PARD3B: variants seen among roughly 807,000 people sequenced by gnomAD.
The protein encoded by PARD3B is partitioning defective 3 homolog B.
A neutral mutation model predicts 130.2 loss-of-function variants in PARD3B; 103 were observed. That is an observed-to-expected ratio of 0.79 (90% confidence interval 0.67 to 0.93). The LOEUF (loss-of-function observed/expected upper bound fraction) is 0.93, where lower values mean the gene tolerates loss of function less well. PARD3B is among the 40% of genes least tolerant of loss of function. The pLI, the probability that PARD3B is intolerant of heterozygous loss-of-function variation, is 0.00. For synonymous variants in PARD3B, 583 were observed against 553.2 expected (o/e 1.05, Z -0.76); for missense variants, 1,609 against 1,499.2 (o/e 1.07, Z -1.21).
At chr2:204,849,706 C>G (rs187821990) in intron 2 of PARD3B, among the ~76,000 whole-genome samples, 1 of 152,212 alleles carries the variant, frequency 6.6e-6, no homozygotes, top group East Asian at 1.9e-4. Context: ...TGTTTTTCCT[C>G]AGAAGAAAAA....
At chr2:204,597,962 G>A (rs2033365271) in intron 1 of PARD3B, among the ~76,000 whole-genome samples, 1 of 152,150 alleles carries the variant, frequency 6.6e-6, no homozygotes, top group Non-Finnish European at 1.5e-5. Context: ...TTCCTATGTA[G>A]CACATCTATT....
At chr2:204,615,958 A>G (rs1173928864) in intron 1 of PARD3B, among the ~76,000 whole-genome samples, 1 of 152,150 alleles carries the variant, frequency 6.6e-6, no homozygotes, top group African/African-American at 2.4e-5. Context: ...CAGCTTTTTA[A>G]ACTACAGGTA....
intron 19 of PARD3B, among the ~76,000 whole-genome samples, chr2:205,430,209 A>G (rs1201391539): frequency 1.3e-5 from 2 of 152,166 alleles, no homozygotes; most frequent in Admixed American, 1.3e-4. Context: ...TGCCCTCCAT[A>G]TATGCAGGTT....
At chr2:204,937,695 G>T (rs573816628) in intron 2 of PARD3B, among the ~76,000 whole-genome samples, 1 of 152,056 alleles carries the variant, frequency 6.6e-6, no homozygotes, top group Admixed American at 6.5e-5. Flanking sequence ...TTTCTTCTTC[G>T]CTCATTATGC....
At chr2:205,115,719 A>G (rs1703975769) in intron 6 of PARD3B, among the ~76,000 whole-genome samples, 1 of 152,174 alleles carries the variant, frequency 6.6e-6, no homozygotes, top group South Asian at 2.1e-4. Flanking sequence ...ATGTGTCTAG[A>G]TGCAACTGTG....
chr2:204,683,186 C>T (rs1276076438), intron 1 of PARD3B, among the ~76,000 whole-genome samples: 1 of 151,806 alleles, frequency 6.6e-6, no homozygotes, highest in East Asian at 1.9e-4. Context: ...AATAATGATC[C>T]TAGGAGTATA....
intron 3 of PARD3B, among the ~76,000 whole-genome samples, chr2:205,022,393 C>A (rs1029223328): frequency 6.6e-6 from 1 of 152,102 alleles, no homozygotes; most frequent in African/African-American, 2.4e-5. Flanking sequence ...TTCATTCTAG[C>A]GAAACCAACT....
chr2:204,807,022 G>A (rs549087736), intron 2 of PARD3B, among the ~76,000 whole-genome samples: 11 of 152,160 alleles, frequency 7.2e-5, no homozygotes, highest in Non-Finnish European at 1.6e-4. Context: ...AATTATTGCA[G>A]AAGGCGAAGG....
intron 3 of PARD3B, among the ~76,000 whole-genome samples, chr2:205,007,652 G>A (rs1694597775): frequency 6.6e-6 from 1 of 152,134 alleles, no homozygotes; most frequent in African/African-American, 2.4e-5. Context: ...TTTTGACTTA[G>A]TATTGCTTCA....
At chr2:204,643,392 T>G (rs2035162484) in intron 1 of PARD3B, among the ~76,000 whole-genome samples, 1 of 151,994 alleles carries the variant, frequency 6.6e-6, no homozygotes, top group Admixed American at 6.6e-5. Flanking sequence ...CTCTCCAAAC[T>G]CTTGATAAAC....
At position 205,279,083 on chromosome 2, in the gene PARD3B, A is replaced by AAAC. The variant is rs1553657199; in HGVS notation, c.2186-21445_2186-21444insCAA. Among the ~76,000 whole-genome samples, 555 of 146,428 alleles carry AAAC rather than the reference A, an allele frequency of 3.8e-3. 3 individuals carry two copies. The highest frequency in any genetic ancestry group is 6.7e-3 in the Non-Finnish European group (436 of 65,292). ...AAGAATCTGTCTCAAAAAAAAAAAA[A>AAAC]AAAAAAAAAAAAACAGTTGTTCATT... On this transcript the variant is annotated intron_variant, in intron 16 of 22. Transcript: ENST00000406610.
At chr2:204,584,057 G>A (rs963192518) in intron 1 of PARD3B, among the ~76,000 whole-genome samples, 6 of 152,212 alleles carry the variant, frequency 3.9e-5, no homozygotes, top group Non-Finnish European at 2.9e-5. Context: ...GGCAAGGCTG[G>A]AGCCAGGAAT....
At chr2:205,538,679 A>G (rs2051979819) in intron 21 of PARD3B, among the ~76,000 whole-genome samples, 1 of 152,168 alleles carries the variant, frequency 6.6e-6, no homozygotes, top group Non-Finnish European at 1.5e-5. Context: ...TCGGAATAGT[A>G]TCGGTGAAGA....
intron 15 of PARD3B, among the ~76,000 whole-genome samples, chr2:205,226,126 C>T (rs2038528914): frequency 6.6e-6 from 1 of 152,236 alleles, no homozygotes; most frequent in Non-Finnish European, 1.5e-5. Context: ...ACTGCAAGCT[C>T]CGCCTCCCGG....
intron 20 of PARD3B, among the ~76,000 whole-genome samples, chr2:205,482,240 A>G (rs2049265032): frequency 6.6e-6 from 1 of 152,226 alleles, no homozygotes; most frequent in Non-Finnish European, 1.5e-5. Flanking sequence ...CTAAAGAGAC[A>G]GTGAAAGAAA....
At chr2:204,781,561 G>C (rs1218625901) in intron 2 of PARD3B, among the ~76,000 whole-genome samples, 1 of 152,010 alleles carries the variant, frequency 6.6e-6, no homozygotes, top group African/African-American at 2.4e-5. Flanking sequence ...TTGGCAATAA[G>C]GATTCAGCTG....
intron 2 of PARD3B, among the ~76,000 whole-genome samples, chr2:204,742,166 C>G (rs1316294961): frequency 1.3e-5 from 2 of 152,064 alleles, no homozygotes; most frequent in Non-Finnish European, 1.5e-5. Flanking sequence ...CCTTCTTATC[C>G]TTCTGAATAA....
intron 2 of PARD3B, among the ~76,000 whole-genome samples, chr2:204,910,695 A>G (rs1263193976): frequency 1.3e-5 from 2 of 152,158 alleles, no homozygotes; most frequent in Non-Finnish European, 2.9e-5. Context: ...GCTGGAGTGC[A>G]GCGGCGTGAT....
intron 2 of PARD3B, among the ~76,000 whole-genome samples, chr2:204,779,526 A>G (rs1269005667): frequency 6.6e-6 from 1 of 152,230 alleles, no homozygotes; most frequent in African/African-American, 2.4e-5. Context: ...ATATAGTGAA[A>G]CATGGAACAT....
Sources: allele counts gnomAD v4.1 joint callset (sites outside exome capture counted in the v4.1 genomes callset), GRCh38; gene constraint gnomAD v4.1.1; transcripts MANE v1.5; gene names NCBI Gene and HGNC (gene_info 2026-07-23, HGNC 2026-07-21).